The following DPY19L3 variants were observed in gnomAD, a reference collection of about 807,000 sequenced individuals.
DPY19L3 encodes the protein dpy-19 like C-mannosyltransferase 3, also known as protein C-mannosyl-transferase DPY19L3.
A neutral mutation model predicts 92.3 loss-of-function variants in DPY19L3; 51 were observed. The observed-to-expected ratio is 0.55, with a 90% CI of 0.44 to 0.70. The LOEUF (loss-of-function observed/expected upper bound fraction) is 0.70. DPY19L3 is among the 30% of genes least tolerant of loss of function. The pLI, the probability that DPY19L3 is intolerant of heterozygous loss-of-function variation, is 0.00. For missense variants in DPY19L3, 706 were observed against 855.9 expected, an observed-to-expected ratio of 0.82 and a Z score of 2.18; for synonymous variants, 309 against 315.2, an observed-to-expected ratio of 0.98 and a Z score of 0.21.
At chr19:32,442,099 C>T (rs1250743934) in intron 8 of DPY19L3, among the ~76,000 whole-genome samples, 1 of 152,190 alleles carries the variant, frequency 6.6e-6, no homozygotes, top group Non-Finnish European at 1.5e-5. Context: ...AGAATCACTT[C>T]TCTCTAACCA....
At chr19:32,467,450 T>A (rs1252679569) in intron 15 of DPY19L3, 2 of 987,486 alleles carry the variant, frequency 2.0e-6, no homozygotes, top group Non-Finnish European at 2.4e-6. Flanking sequence ...CAGTAATTTT[T>A]ACTACATCTC....
chr19:32,407,731 T>G (rs963014535), intron 1 of DPY19L3, among the ~76,000 whole-genome samples: 7 of 152,128 alleles, frequency 4.6e-5, no homozygotes, highest in African/African-American at 1.4e-4. Context: ...TAAATATGAT[T>G]GAGTTGAATA....
chr19:32,443,365 C>A (rs1436398093), intron 8 of DPY19L3, among the ~76,000 whole-genome samples: 1 of 152,090 alleles, frequency 6.6e-6, no homozygotes, highest in Non-Finnish European at 1.5e-5. Context: ...TTTTTGTGGT[C>A]CCCCACCAAA....
Position 32,464,740 on chromosome 19 carries a change from C to T in DPY19L3, c.1570C>T (p.Arg524Ter), listed in dbSNP as rs867284537. Residue 524 changes from arginine (R) to a stop codon, truncating the protein, a stop_gained, in exon 15 of 19, where the codon CGA becomes TGA. Coordinates refer to ENST00000392250, the MANE Select transcript of DPY19L3 (RefSeq NM_001172774.2). LOFTEE classifies it high-confidence loss of function. Reference sequence around the variant, plus strand: ...CTTTCTTATATAGATATGTATAATGCGATATTCAGTACCGATATTAATACT... The same window carrying T: ...CTTTCTTATATAGATATGTATAATGTGATATTCAGTACCGATATTAATACT... ...LYNPKRICIMRYSVPILILLY... is the reference protein window; with the variant it reads ...LYNPKRICIM 1.3e-5 allele frequency: 20 copies of T among 1,506,792 alleles called. No individual in the cohort carries two copies. The highest frequency in any genetic ancestry group is 1.7e-4 in the Middle Eastern group (1 of 5,824). The allele number at this position is 1,506,792 out of a possible 1,614,324, so 93.3% of individuals were successfully genotyped here. A position where few individuals can be genotyped will look rare whatever the true frequency, so the allele number is the denominator to read the frequency against.
chr19:32,459,280 A>G (rs1183217605), intron 12 of DPY19L3, among the ~76,000 whole-genome samples: 1 of 152,222 alleles, frequency 6.6e-6, no homozygotes, highest in Non-Finnish European at 1.5e-5. Context: ...TTAAACTGAA[A>G]GAAAATTAAG....
At position 32,481,008 on chromosome 19, in the gene DPY19L3, G is replaced by T. The variant is rs917641761; in HGVS notation, c.1989+451G>T. ...CCTACCCCTCCTGCCCTCTCCTACT[G>T]AGTGTCCTGTGTCCACTGGTGTGTT... On this transcript the variant is annotated intron_variant, in intron 18 of 18. Coordinates refer to ENST00000392250, the MANE Select transcript of DPY19L3 (RefSeq NM_001172774.2). The T allele has an allele frequency of 3.1e-5, 12 of 381,724 alleles. No homozygotes were observed. In the East Asian group the frequency reaches 4.6e-4, roughly 15 times the overall value. 23.6% of individuals were successfully genotyped at this position (381,724 alleles called of 1,614,324 possible).
chr19:32,420,299 A>T (rs938258437), intron 3 of DPY19L3, among the ~76,000 whole-genome samples: 13 of 152,190 alleles, frequency 8.5e-5, no homozygotes, highest in African/African-American at 3.1e-4. Flanking sequence ...AAGGGGAGGC[A>T]CTGGCTGCTG....
intron 9 of DPY19L3, among the ~76,000 whole-genome samples, chr19:32,454,729 C>G (rs1969812508): frequency 6.6e-6 from 1 of 152,080 alleles, no homozygotes; most frequent in Non-Finnish European, 1.5e-5. Context: ...TCGTATGAAG[C>G]TCATTATTAA....
intron 1 of DPY19L3, among the ~76,000 whole-genome samples, chr19:32,406,456 C>T (rs1967952770): frequency 6.6e-6 from 1 of 152,060 alleles, no homozygotes; most frequent in South Asian, 2.1e-4. Context: ...AACTCTTGGG[C>T]TCAAGCGATT....
chr19:32,470,343 C>T (rs1970319977), intron 16 of DPY19L3, among the ~76,000 whole-genome samples: 1 of 152,146 alleles, frequency 6.6e-6, no homozygotes, highest in African/African-American at 2.4e-5. Context: ...TGACGTACAT[C>T]TGAAGTTGAG....
chr19:32,422,582 A>C (rs1193925966), intron 3 of DPY19L3, among the ~76,000 whole-genome samples: 2 of 151,400 alleles, frequency 1.3e-5, no homozygotes, highest in African/African-American at 2.4e-5. Context: ...GCAAGCATGC[A>C]TCATTTGTGT....
intron 16 of DPY19L3, among the ~76,000 whole-genome samples, chr19:32,471,789 T>G (rs1970365354): frequency 6.6e-6 from 1 of 152,190 alleles, no homozygotes. Flanking sequence ...GCTGAAGAGA[T>G]ATCCTCAAGG....
chr19:32,432,347 A>G (rs926255008), intron 3 of DPY19L3, among the ~76,000 whole-genome samples: 10 of 152,162 alleles, frequency 6.6e-5, no homozygotes, highest in Admixed American at 6.5e-4. Context: ...AATGAAAATG[A>G]TTGATCTTAT....
chr19:32,450,489 A>G (rs530670479), intron 8 of DPY19L3, among the ~76,000 whole-genome samples: 80 of 152,328 alleles, frequency 5.3e-4, no homozygotes, highest in Admixed American at 9.8e-4. Context: ...CCGAATGCCC[A>G]TATCCCTTCC....
intron 3 of DPY19L3, among the ~76,000 whole-genome samples, chr19:32,426,537 G>A (rs1019074511): frequency 6.6e-6 from 1 of 152,200 alleles, no homozygotes; most frequent in South Asian, 2.1e-4. Flanking sequence ...TCCTTTCGAC[G>A]CTTAGAGGCT....
rs796485115 is a variant in DPY19L3, at chr19:32,461,981, C to T, written c.1323-1385C>T. 1.1e-4 allele frequency among the ~76,000 whole-genome samples: 16 copies of T among 152,260 alleles called. 1 individual carries two copies. The highest frequency in any genetic ancestry group is 3.4e-4 in the African/African-American group (14 of 41,552). ...CAAGTCCCTCAGTGGATGCCTGAAA[C>T]CTCGGATGGTTTCACACCCTTTCTA... On this transcript the variant is annotated intron_variant, in intron 12 of 18. Coordinates refer to ENST00000392250, the MANE Select transcript of DPY19L3 (RefSeq NM_001172774.2).
At chr19:32,476,941 T>G (rs1362128528) in intron 16 of DPY19L3, among the ~76,000 whole-genome samples, 2 of 152,236 alleles carry the variant, frequency 1.3e-5, no homozygotes, top group African/African-American at 4.8e-5. Flanking sequence ...ATTTTTTTCC[T>G]TATTGCTTTT....
At chr19:32,424,742 G>A (rs570075681) in intron 3 of DPY19L3, among the ~76,000 whole-genome samples, 67 of 152,282 alleles carry the variant, frequency 4.4e-4, no homozygotes, top group African/African-American at 1.6e-3. Flanking sequence ...GTCCTAAAAT[G>A]TATATGGAAA....
At chr19:32,424,999 A>G (rs1351322643) in intron 3 of DPY19L3, among the ~76,000 whole-genome samples, 2 of 152,226 alleles carry the variant, frequency 1.3e-5, no homozygotes, top group East Asian at 1.9e-4. Flanking sequence ...TCTTCAATAA[A>G]TGGTCTATAA....
Sources: gnomAD v4.1 joint callset for allele counts (sites outside exome capture counted in the v4.1 genomes callset) on GRCh38, gnomAD v4.1.1 for gene constraint, MANE v1.5 for transcripts, NCBI Gene and HGNC (gene_info 2026-07-23, HGNC 2026-07-21) for gene names.